The following SNX29 variants were observed in gnomAD, a reference collection of about 807,000 sequenced individuals.
The protein encoded by SNX29 is sorting nexin 29.
A neutral mutation model predicts 102.1 loss-of-function variants in SNX29; 78 were observed. The ratio of observed to expected loss-of-function variants is 0.76; its 90% confidence interval spans 0.64 to 0.92. The LOEUF (loss-of-function observed/expected upper bound fraction) is 0.92, where lower values mean the gene tolerates loss of function less well. Among genes scored for constraint, SNX29 ranks in the 40% least tolerant of loss-of-function variants. The probability of loss-of-function intolerance (pLI) is 0.00; values close to 1 mark genes in which losing one functional copy is unlikely to be tolerated. For missense variants in SNX29, 1,280 were observed against 1,061.7 expected (o/e 1.21, Z -2.86); for synonymous variants, 580 against 414.5 (o/e 1.40, Z -4.85).
intron 16 of SNX29, among the ~76,000 whole-genome samples, chr16:12,379,010 T>C (rs1169792484): frequency 2.0e-5 from 3 of 152,204 alleles, no homozygotes; most frequent in Admixed American, 6.5e-5. Flanking sequence ...TGAAGTCAGT[T>C]AGTGCTCACC....
chr16:12,081,375 G>C (rs1373598692), intron 11 of SNX29: 1 of 152,310 alleles, frequency 6.6e-6, no homozygotes, highest in East Asian at 1.9e-4. Context: ...TTCTCCAAAA[G>C]GGAATTGTGC....
rs12446991 is a variant in SNX29 at position 12,569,556 on chromosome 16, C to G, written c.*927C>G. 0.024 allele frequency: 5,511 copies of G among 231,204 alleles called. 441 individuals are homozygous for G. Among genetic ancestry groups the G allele is most frequent in the East Asian group, 0.16 (2,589 of 16,264 alleles). 14.3% of individuals were successfully genotyped at this position (231,204 alleles called of 1,614,324 possible). ...GACCCAGTGTGGACACTTAACAGAT[C>G]ATGTGTCTCTCCACTAAAAACATTT... On this transcript the variant is annotated 3_prime_UTR_variant, in exon 21 of 21. Coordinates refer to ENST00000566228, the MANE Select transcript of SNX29 (RefSeq NM_032167.5).
intron 11 of SNX29, among the ~76,000 whole-genome samples, chr16:12,116,414 G>T (rs2053704905): frequency 6.6e-6 from 1 of 152,232 alleles, no homozygotes; most frequent in Non-Finnish European, 1.5e-5. Context: ...GCTCATGCCT[G>T]TGATCTTACC....
At chr16:12,537,772 C>G (rs187789656) in intron 20 of SNX29, among the ~76,000 whole-genome samples, 6 of 151,380 alleles carry the variant, frequency 4.0e-5, no homozygotes, top group Non-Finnish European at 7.4e-5. Context: ...TTTGTTTAAA[C>G]AAAAAAAAGT....
At chr16:12,149,591 C>G (rs972720474) in intron 13 of SNX29, among the ~76,000 whole-genome samples, 1 of 152,152 alleles carries the variant, frequency 6.6e-6, no homozygotes, top group South Asian at 2.1e-4. Context: ...TGACTCTAAT[C>G]CCTGCAGTAA....
At chr16:12,472,746 G>A (rs2087419664) in intron 18 of SNX29, among the ~76,000 whole-genome samples, 2 of 151,908 alleles carry the variant, frequency 1.3e-5, no homozygotes, top group South Asian at 4.2e-4. Flanking sequence ...GACGGACTGA[G>A]GTTTTTGCAT....
Position 12,572,362 on chromosome 16 carries a change from C to G in SNX29, c.*3733C>G, listed in dbSNP as rs993522364. ...CTGCCTGGTTGATGGACAGCAGGCT[C>G]TGCCTTCTGGAGGCGGCTTATATCC... On this transcript the variant is annotated 3_prime_UTR_variant, in exon 21 of 21. Coordinates refer to ENST00000566228, the MANE Select transcript of SNX29 (RefSeq NM_032167.5). The G allele has an allele frequency of 1.1e-5, 12 of 1,063,024 alleles. No individual in the cohort carries two copies. The highest frequency in any genetic ancestry group is 1.4e-5 in the Non-Finnish European group (12 of 877,892). 65.8% of individuals were successfully genotyped at this position (1,063,024 alleles called of 1,614,324 possible).
At chr16:12,568,123 A>G (rs1198674261) in intron 20 of SNX29, among the ~76,000 whole-genome samples, 3 of 152,110 alleles carry the variant, frequency 2.0e-5, no homozygotes, top group African/African-American at 7.2e-5. Context: ...GGCTTTATGT[A>G]GTGTTCTCCA....
intron 18 of SNX29, among the ~76,000 whole-genome samples, chr16:12,416,281 C>T (rs1194230567): frequency 6.6e-6 from 1 of 152,104 alleles, no homozygotes; most frequent in Non-Finnish European, 1.5e-5. Flanking sequence ...GGGCTTGTCT[C>T]GGGGCACCGC....
intron 13 of SNX29, among the ~76,000 whole-genome samples, chr16:12,138,552 A>G (rs4780412): frequency 0.22 from 32,866 of 151,972 alleles, 3,897 homozygotes; most frequent in East Asian, 0.47. Flanking sequence ...CTGTTTGGTA[A>G]AAGAAACATG....
At chr16:12,540,558 A>G (rs1209990209) in intron 20 of SNX29, among the ~76,000 whole-genome samples, 1 of 152,230 alleles carries the variant, frequency 6.6e-6, no homozygotes, top group Non-Finnish European at 1.5e-5. Context: ...ACCCTATGCC[A>G]TGGCCCCTTC....
chr16:12,139,193 T>TA (rs34808071), intron 13 of SNX29, among the ~76,000 whole-genome samples: 879 of 66,102 alleles, frequency 0.013, 24 homozygotes, highest in Non-Finnish European at 0.018. Context: ...AGCGAGACTC[T>TA]AAAAAAAAAA....
intron 14 of SNX29, among the ~76,000 whole-genome samples, chr16:12,229,135 C>T (rs893836778): frequency 6.6e-6 from 1 of 152,228 alleles, no homozygotes; most frequent in Non-Finnish European, 1.5e-5. Flanking sequence ...TTATGGAGCA[C>T]TTGTGACAAT....
intron 16 of SNX29, among the ~76,000 whole-genome samples, chr16:12,363,460 T>C (rs924364969): frequency 1.3e-5 from 2 of 152,102 alleles, no homozygotes; most frequent in Non-Finnish European, 2.9e-5. Context: ...CTACTTTAGG[T>C]GGAAACCCAA....
intron 19 of SNX29, among the ~76,000 whole-genome samples, chr16:12,486,136 C>G (rs1305357776): frequency 6.6e-6 from 1 of 152,204 alleles, no homozygotes; most frequent in African/African-American, 2.4e-5. Context: ...AGGCTGCTTG[C>G]ATTTCTTGGC....
Position 12,040,882 on chromosome 16 carries a change from C to T in SNX29, c.248-2015C>T, listed in dbSNP as rs564270564. On this transcript the variant is annotated intron_variant, in intron 4 of 20. Transcript: ENST00000566228. ...AGAGTGGAGTGTTGTGGCGTGATCT[C>T]GGCTCTCTGCAACCTCCGTCTCCTG... Among the ~76,000 whole-genome samples the T allele has an allele frequency of 3.4e-4, 52 of 152,268 alleles. No homozygotes were observed. The South Asian group carries it at 0.01, about 30-fold the overall frequency.
intron 15 of SNX29, among the ~76,000 whole-genome samples, chr16:12,280,869 C>G (rs957460342): frequency 1.8e-4 from 27 of 152,118 alleles, no homozygotes; most frequent in African/African-American, 6.5e-4. Flanking sequence ...TAGTTTCTTT[C>G]CGTGTCAGAA....
rs555929171 is a variant in SNX29 at position 12,554,378 on chromosome 16, C to G, written c.2319-14128C>G. ...CCTTACCTGTGTCTTGAAGGTGTTT[C>G]TGTGCCCCGTGCATGGGTGTGCATC... On this transcript the variant is annotated intron_variant, in intron 20 of 20. Transcript: ENST00000566228. Among the ~76,000 whole-genome samples, 70 of 88,934 alleles carry G rather than the reference C, an allele frequency of 7.9e-4. 1 individual carries two copies. The highest frequency in any genetic ancestry group is 7.7e-3 in the African/African-American group (64 of 8,284). The allele number at this position is 88,934 out of a possible 152,430, so 58.3% of individuals were successfully genotyped here. A position where few individuals can be genotyped will look rare whatever the true frequency, so the allele number is the denominator to read the frequency against.
intron 9 of SNX29, among the ~76,000 whole-genome samples, 162 bp from the exon 10 acceptor site, chr16:12,068,895 A>G (rs2051162766): frequency 6.6e-6 from 1 of 152,232 alleles, no homozygotes; most frequent in Non-Finnish European, 1.5e-5. Context: ...TCTCTGAACA[A>G]CAGGAAACAG....
Sources: allele counts gnomAD v4.1 joint callset (sites outside exome capture counted in the v4.1 genomes callset), GRCh38; gene constraint gnomAD v4.1.1; transcripts MANE v1.5; gene names NCBI Gene and HGNC (gene_info 2026-07-23, HGNC 2026-07-21).